KCND2: variants seen among roughly 807,000 people sequenced by gnomAD.
KCND2 encodes the protein A-type voltage-gated potassium channel KCND2.
KCND2 carries 16 observed loss-of-function variants against 54.4 expected under a neutral mutation model. That is an observed-to-expected ratio of 0.29 (90% CI 0.20 to 0.45). The LOEUF (loss-of-function observed/expected upper bound fraction) is 0.45. Among genes scored for constraint, KCND2 ranks in the 20% least tolerant of loss-of-function variants. The probability of loss-of-function intolerance (pLI) is 1.00; values close to 1 mark genes in which losing one functional copy is unlikely to be tolerated. For missense variants in KCND2, 486 were observed against 824.2 expected, an observed-to-expected ratio of 0.59 and a Z score of 5.02; for synonymous variants, 317 against 310.7, an observed-to-expected ratio of 1.02 and a Z score of -0.21.
chr7:120,566,104 A>AT (rs942852641), intron 1 of KCND2, among the ~76,000 whole-genome samples: 1 of 152,040 alleles, frequency 6.6e-6, no homozygotes, highest in African/African-American at 2.4e-5. Flanking sequence ...GGACTTGTAC[A>AT]TTTTTTTCTA....
At chr7:120,335,782 G>T (rs941923009) in intron 1 of KCND2, among the ~76,000 whole-genome samples, 3 of 152,124 alleles carry the variant, frequency 2.0e-5, no homozygotes, top group African/African-American at 4.8e-5. Context: ...ACCGCGCCCG[G>T]CTGGCTTTTT....
chr7:120,540,919 G>A (rs563396368), intron 1 of KCND2, among the ~76,000 whole-genome samples: 1 of 152,210 alleles, frequency 6.6e-6, no homozygotes, highest in Admixed American at 6.5e-5. Flanking sequence ...TTACTGACTT[G>A]ATAGTTTCAG....
At chr7:120,325,374 G>T (rs9800927) in intron 1 of KCND2, among the ~76,000 whole-genome samples, 98,642 of 139,600 alleles carry the variant, frequency 0.71, 38,622 homozygotes, top group South Asian at 0.92. Context: ...TCCCTGTCTT[G>T]TGCCAGTTTT....
At chr7:120,503,414 AG>A (rs1802966942) in intron 1 of KCND2, among the ~76,000 whole-genome samples, 1 of 131,814 alleles carries the variant, frequency 7.6e-6, no homozygotes. Flanking sequence ...GAGAGTTGAA[AG>A]CCATGGCCAA....
At chr7:120,328,795 G>A (rs1455617286) in intron 1 of KCND2, among the ~76,000 whole-genome samples, 4 of 152,026 alleles carry the variant, frequency 2.6e-5, no homozygotes, top group African/African-American at 4.8e-5. Context: ...ATTAGAAATT[G>A]TCTTAGTTAT....
chr7:120,575,617 G>A (rs994286263), intron 1 of KCND2, among the ~76,000 whole-genome samples: 4 of 152,112 alleles, frequency 2.6e-5, no homozygotes, highest in South Asian at 2.1e-4. Flanking sequence ...TAACTATAGC[G>A]TAAATTCTCC....
rs1175736454 is a variant in KCND2 at position 120,621,276 on chromosome 7, C to CAA, written c.1116-111600_1116-111599dup. Reference sequence around the variant, plus strand: ...TGGGCGACAGAGCAAGACTCCGTCTCAAAAAAAAAAAAAAAAAAAAAAAAA... The same window carrying CAA: ...TGGGCGACAGAGCAAGACTCCGTCTCAAAAAAAAAAAAAAAAAAAAAAAAAAA... On this transcript the variant is annotated intron_variant, in intron 1 of 5. Transcript: ENST00000331113. 2.0e-3 allele frequency among the ~76,000 whole-genome samples: 95 copies of CAA among 47,176 alleles called. 2 individuals carry two copies. The highest frequency in any genetic ancestry group is 3.0e-3 in the African/African-American group (43 of 14,490). The allele number at this position is 47,176 out of a possible 152,430, so 30.9% of individuals were successfully genotyped here.
At chr7:120,641,139 A>G (rs1793365732) in intron 1 of KCND2, among the ~76,000 whole-genome samples, 2 of 152,220 alleles carry the variant, frequency 1.3e-5, no homozygotes, top group South Asian at 4.1e-4. Context: ...AAAATCTGAT[A>G]TAAGTCCTCA....
At chr7:120,570,985 AT>A (rs1291826850) in intron 1 of KCND2, among the ~76,000 whole-genome samples, 2 of 152,186 alleles carry the variant, frequency 1.3e-5, no homozygotes, top group Non-Finnish European at 2.9e-5. Flanking sequence ...AACTTTGTCT[AT>A]ATGAGGAGAC....
At chr7:120,662,260 CCA>C (rs1364501567) in intron 1 of KCND2, among the ~76,000 whole-genome samples, 2 of 152,036 alleles carry the variant, frequency 1.3e-5, no homozygotes, top group Non-Finnish European at 2.9e-5. Flanking sequence ...TAAAATGTGG[CCA>C]TACATTTTTA....
chr7:120,341,498 A>G (rs1378436509), intron 1 of KCND2, among the ~76,000 whole-genome samples: 1 of 152,174 alleles, frequency 6.6e-6, no homozygotes, highest in Admixed American at 6.5e-5. Context: ...ATTTAAGGTC[A>G]TGTTGGCATC....
At chr7:120,601,139 C>A (rs1046209409) in intron 1 of KCND2, among the ~76,000 whole-genome samples, 2 of 151,992 alleles carry the variant, frequency 1.3e-5, no homozygotes, top group Admixed American at 1.3e-4. Context: ...CAGTGTATAC[C>A]TTCATGGAGT....
At chr7:120,521,288 A>G (rs936782282) in intron 1 of KCND2, among the ~76,000 whole-genome samples, 1 of 152,134 alleles carries the variant, frequency 6.6e-6, no homozygotes, top group African/African-American at 2.4e-5. Flanking sequence ...CTTTGTTTTC[A>G]GACTGCAATG....
chr7:120,701,428 A>G (rs534288381), intron 1 of KCND2, among the ~76,000 whole-genome samples: 4 of 152,232 alleles, frequency 2.6e-5, no homozygotes, highest in Admixed American at 2.6e-4. Context: ...TGAATTTAGA[A>G]TGGAAATTAG....
At chr7:120,336,349 T>C (rs954624182) in intron 1 of KCND2, among the ~76,000 whole-genome samples, 4 of 152,166 alleles carry the variant, frequency 2.6e-5, no homozygotes, top group Admixed American at 6.5e-5. Context: ...AACTTCTCTT[T>C]TTATTTTTCT....
chr7:120,333,806 G>C lies in KCND2; in HGVS notation c.1115+58059G>C, dbSNP rs1041517616. ...TTAGCATTCATCAAAATAAATTATGGTTGCTCAGTATTACACTGTGGCATG... is the reference window on the plus strand; with the variant it reads ...TTAGCATTCATCAAAATAAATTATGCTTGCTCAGTATTACACTGTGGCATG... On this transcript the variant is annotated intron_variant, in intron 1 of 5. Coordinates refer to ENST00000331113, the MANE Select transcript of KCND2 (RefSeq NM_012281.3). 5.9e-5 allele frequency among the ~76,000 whole-genome samples: 9 copies of C among 152,034 alleles called. 1 individual carries two copies. The highest frequency in any genetic ancestry group is 2.2e-4 in the African/African-American group (9 of 41,396).
intron 1 of KCND2, among the ~76,000 whole-genome samples, chr7:120,680,255 T>C (rs1056967198): frequency 2.0e-5 from 3 of 152,108 alleles, no homozygotes; most frequent in South Asian, 2.1e-4. Flanking sequence ...ACAAGATTAA[T>C]TCCAGAAAGC....
chr7:120,365,929 GA>G (rs1475870531), intron 1 of KCND2, among the ~76,000 whole-genome samples: 12 of 152,036 alleles, frequency 7.9e-5, no homozygotes, highest in African/African-American at 2.9e-4. Context: ...ATATTTAATA[GA>G]CATTTAAAAA....
intron 1 of KCND2, among the ~76,000 whole-genome samples, chr7:120,531,331 C>T (rs2116364688): frequency 6.6e-6 from 1 of 152,180 alleles, no homozygotes; most frequent in Non-Finnish European, 1.5e-5. Context: ...CCTGCCTTTA[C>T]CCATGCACTT....
Sources: gnomAD v4.1 joint callset for allele counts (sites outside exome capture counted in the v4.1 genomes callset) on GRCh38, gnomAD v4.1.1 for gene constraint, MANE v1.5 for transcripts, NCBI Gene and HGNC (gene_info 2026-07-23, HGNC 2026-07-21) for gene names.